LHFPL3: variants seen among roughly 807,000 people sequenced by gnomAD.
The protein encoded by LHFPL3 is LHFPL tetraspan subfamily member 3 protein.
In LHFPL3, 5 loss-of-function variants were observed where a neutral mutation model predicts 19.3. The ratio of observed to expected loss-of-function variants is 0.26; its 90% CI spans 0.14 to 0.54. LHFPL3 has a LOEUF of 0.54. Among genes scored for constraint, LHFPL3 ranks in the 20% least tolerant of loss-of-function variants. LHFPL3 has a pLI of 0.94. For synonymous variants in LHFPL3, 133 were observed against 126.2 expected (o/e 1.05, Z -0.36); for missense variants, 249 against 307.4 (o/e 0.81, Z 1.42).
intron 1 of LHFPL3, among the ~76,000 whole-genome samples, chr7:104,557,693 T>G (rs1789876666): frequency 6.6e-6 from 1 of 152,080 alleles, no homozygotes; most frequent in Admixed American, 6.5e-5. Context: ...TATTTTTTAT[T>G]ATACTTTAAG....
intron 1 of LHFPL3, among the ~76,000 whole-genome samples, chr7:104,496,779 CTCA>C (rs918511482): frequency 4.6e-5 from 7 of 152,166 alleles, no homozygotes; most frequent in Non-Finnish European, 7.3e-5. Context: ...GAATATGTAT[CTCA>C]TCATCACTAC....
chr7:104,892,361 T>C (rs1792265279), intron 2 of LHFPL3, among the ~76,000 whole-genome samples: 1 of 152,112 alleles, frequency 6.6e-6, no homozygotes, highest in Non-Finnish European at 1.5e-5. Context: ...TTCAGCTCAC[T>C]GTAAAAATAA....
intron 1 of LHFPL3, among the ~76,000 whole-genome samples, chr7:104,414,152 A>G (rs150896304): frequency 1.8e-4 from 28 of 151,868 alleles, no homozygotes; most frequent in African/African-American, 5.8e-4. Flanking sequence ...AAACCCATTC[A>G]TTGGCATTTA....
At chr7:104,629,739 G>A (rs1376418264) in intron 1 of LHFPL3, among the ~76,000 whole-genome samples, 3 of 152,202 alleles carry the variant, frequency 2.0e-5, no homozygotes, top group Non-Finnish European at 4.4e-5. Context: ...GCCAGTGTGT[G>A]TGTCAGTCAT....
At chr7:104,622,904 G>A (rs1005506792) in intron 1 of LHFPL3, 1 of 224,042 alleles carries the variant, frequency 4.5e-6, no homozygotes, top group South Asian at 4.7e-5. Context: ...CACAGCAGCT[G>A]CACCATTTTA....
intron 2 of LHFPL3, among the ~76,000 whole-genome samples, chr7:104,809,092 A>AC (rs1468969375): frequency 3.3e-5 from 5 of 152,098 alleles, no homozygotes; most frequent in African/African-American, 1.2e-4. Context: ...ACGGGGTTTC[A>AC]CCATGTTGAT....
chr7:104,719,996 G>A (rs1384790050), intron 1 of LHFPL3, among the ~76,000 whole-genome samples: 1 of 152,138 alleles, frequency 6.6e-6, no homozygotes, highest in Non-Finnish European at 1.5e-5. Flanking sequence ...CCAACTGAGA[G>A]CGATGGAGGA....
At chr7:104,673,586 AGACTGG>A (rs1792528189) in intron 1 of LHFPL3, among the ~76,000 whole-genome samples, 1 of 152,210 alleles carries the variant, frequency 6.6e-6, no homozygotes, top group Non-Finnish European at 1.5e-5. Flanking sequence ...AGTGTGCATT[AGACTGG>A]GGATGGGGAA....
At chr7:104,419,452 G>A (rs571046316) in intron 1 of LHFPL3, among the ~76,000 whole-genome samples, 6 of 152,252 alleles carry the variant, frequency 3.9e-5, no homozygotes, top group South Asian at 4.2e-4. Flanking sequence ...GCCAAGTTAA[G>A]TGAACATAAT....
intron 1 of LHFPL3, among the ~76,000 whole-genome samples, chr7:104,448,708 T>G (rs147778067): frequency 2.0e-5 from 3 of 152,310 alleles, no homozygotes; most frequent in African/African-American, 7.2e-5. Flanking sequence ...GAATAGTCTC[T>G]CAGTGTTAGA....
rs114212527 is a variant in LHFPL3, at chr7:104,661,785, A to G, written c.446-74890A>G. Among the ~76,000 whole-genome samples, 402 of 152,302 alleles carry G rather than the reference A, an allele frequency of 2.6e-3. 2 individuals carry two copies. Among genetic ancestry groups the G allele is most frequent in the African/African-American group, 9.3e-3 (386 of 41,568 alleles). On this transcript the variant is annotated intron_variant, in intron 1 of 2. Coordinates refer to ENST00000424859, the MANE Select transcript of LHFPL3 (RefSeq NM_199000.3). ...GTAGATTTTTGCAACATCAGCATGA[A>G]ATATTTTTTTCCTTATTATGTCGAG...
At chr7:104,644,798 G>A (rs575330441) in intron 1 of LHFPL3, among the ~76,000 whole-genome samples, 16 of 152,014 alleles carry the variant, frequency 1.1e-4, no homozygotes, top group Non-Finnish European at 1.2e-4. Context: ...GTGGTTTCCC[G>A]GCCCTGCTGA....
rs1015865424 is a variant in LHFPL3 at position 104,667,810 on chromosome 7, T to C, written c.446-68865T>C. The C allele has an allele frequency of 2.1e-5, 34 of 1,605,254 alleles. No individual in the cohort carries two copies. In the African/African-American group the frequency reaches 3.7e-4, roughly 18 times the overall value. ...AAGACTATCTCCCTAACAGACTTTC[T>C]GGCTGAGGATGGGGGTACTGGTGGA... is the stretch of plus-strand genomic sequence containing the variant. On this transcript the variant is annotated intron_variant, in intron 1 of 2. Coordinates refer to ENST00000424859, the MANE Select transcript of LHFPL3 (RefSeq NM_199000.3).
chr7:104,776,336 C>G (rs1794636408), intron 2 of LHFPL3, among the ~76,000 whole-genome samples: 1 of 152,234 alleles, frequency 6.6e-6, no homozygotes, highest in Admixed American at 6.5e-5. Flanking sequence ...CCATGGGACT[C>G]CCCATCCCCA....
chr7:104,561,313 G>A (rs1789997538), intron 1 of LHFPL3, among the ~76,000 whole-genome samples: 1 of 149,440 alleles, frequency 6.7e-6, no homozygotes, highest in Non-Finnish European at 1.5e-5. Context: ...ATGTGTGGGA[G>A]TCTAAGTCTC....
At chr7:104,588,975 C>CTT (rs1308708008) in intron 1 of LHFPL3, among the ~76,000 whole-genome samples, 3 of 151,634 alleles carry the variant, frequency 2.0e-5, no homozygotes, top group Non-Finnish European at 4.4e-5. Context: ...TATCCTGAGA[C>CTT]TGCTGAAGTT....
chr7:104,575,028 A>G (rs946850321), intron 1 of LHFPL3, among the ~76,000 whole-genome samples: 14 of 152,364 alleles, frequency 9.2e-5, no homozygotes, highest in South Asian at 2.1e-4. Context: ...TAATTCATTA[A>G]TCATTATAAA....
At position 104,750,182 on chromosome 7, in the gene LHFPL3, C is replaced by T. The variant is rs532835362; in HGVS notation, c.682+13271C>T. 4.6e-3 allele frequency among the ~76,000 whole-genome samples: 703 copies of T among 152,250 alleles called. 3 individuals carry two copies. Among genetic ancestry groups the T allele is most frequent in the African/African-American group, 0.016 (651 of 41,550 alleles). ...TACACTTCTGAGGCTGTGCCTATGCCGACAAGTCCTGTAACAGCCTTTTGT... is the reference window on the plus strand; with the variant it reads ...TACACTTCTGAGGCTGTGCCTATGCTGACAAGTCCTGTAACAGCCTTTTGT... On this transcript the variant is annotated intron_variant, in intron 2 of 2. Coordinates refer to ENST00000424859, the MANE Select transcript of LHFPL3 (RefSeq NM_199000.3).
intron 1 of LHFPL3, among the ~76,000 whole-genome samples, chr7:104,509,545 TA>T (rs764570808): frequency 1.5e-4 from 22 of 149,194 alleles, no homozygotes; most frequent in East Asian, 1.9e-4. Context: ...ATTCATGGTC[TA>T]AAAAAAAAAT....
Sources: allele counts gnomAD v4.1 joint callset (sites outside exome capture counted in the v4.1 genomes callset), GRCh38; gene constraint gnomAD v4.1.1; transcripts MANE v1.5; gene names NCBI Gene and HGNC (gene_info 2026-07-23, HGNC 2026-07-21).